Variants in BRD4 observed in about 807,000 individuals in gnomAD.
The protein encoded by BRD4 is bromodomain containing 4.
A neutral mutation model predicts 142.1 loss-of-function variants in BRD4; 16 were observed. The ratio of observed to expected loss-of-function variants is 0.11; its 90% CI spans 0.08 to 0.17. The LOEUF (loss-of-function observed/expected upper bound fraction) is 0.17, where lower values mean the gene tolerates loss of function less well. Among genes scored for constraint, BRD4 ranks in the 10% least tolerant of loss-of-function variants. BRD4 has a pLI of 1.00. For synonymous variants in BRD4, 833 were observed against 707.5 expected, an observed-to-expected ratio of 1.18 and a Z score of -2.82; for missense variants, 1,424 against 1,810.9, an observed-to-expected ratio of 0.79 and a Z score of 3.88.
At chr19:15,248,899 A>G in intron 11 of BRD4, 1 of 345,008 alleles carries the variant, frequency 2.9e-6, no homozygotes, top group Non-Finnish European at 5.4e-6. Flanking sequence ...GGACAAAGAG[A>G]GAAAACATAC....
Position 15,265,607 on chromosome 19 carries a change from G to T in BRD4, c.596C>A (p.Thr199Lys). The T allele has an allele frequency of 6.2e-7, 1 of 1,614,174 alleles. No individual in the cohort carries two copies. The highest frequency in any genetic ancestry group is 8.5e-7 in the Non-Finnish European group (1 of 1,180,030). Residue 199 changes from threonine to lysine, a missense_variant, in exon 5 of 20, where the codon ACA becomes AAA. By Grantham distance (78) the Thr-to-Lys change is moderately conservative. Around this residue, in one of 16 missense-constraint regions of BRD4, gnomAD observed 140 missense variants for 131.7 expected, o/e 1.06. Transcript: ENST00000679869. ...AKPGVSTVPN[T>K]TQASTPPQTQ... ...CTGCGGAGGAGTCGATGCTTGAGTT[G>T]TGTTTGGTACCGTGGAAACGCCAGG...
intron 7 of BRD4, among the ~76,000 whole-genome samples, chr19:15,260,219 T>TA (rs774599244): frequency 2.0e-5 from 3 of 152,196 alleles, no homozygotes; most frequent in Admixed American, 6.5e-5. Context: ...CCCGAGAATT[T>TA]AGAGGCTCAG....
chr19:15,286,513 T>A (rs1439764939), intron 1 of BRD4, among the ~76,000 whole-genome samples: 2 of 152,142 alleles, frequency 1.3e-5, no homozygotes, highest in Admixed American at 6.5e-5. Flanking sequence ...ATTTTAAAAT[T>A]TCTAGGAGCC....
intron 1 of BRD4, among the ~76,000 whole-genome samples, chr19:15,285,213 G>T (rs763241613): frequency 9.9e-5 from 15 of 152,182 alleles, no homozygotes; most frequent in Admixed American, 7.2e-4. Context: ...CACTTAACTG[G>T]TAAGGAATTT....
chr19:15,331,801 T>G (rs2270130), intron 1 of BRD4: 117,029 of 149,258 alleles, frequency 0.78, 46,619 homozygotes, highest in African/African-American at 0.94. Context: ...CCGGGACAGC[T>G]GCGCTCGCGG....
rs1318039413 is a variant in BRD4, at chr19:15,235,953, A to T, written c.*2424T>A. The T allele has an allele frequency of 6.6e-6, 1 of 152,222 alleles. No individual in the cohort carries two copies. The highest frequency in any genetic ancestry group is 1.5e-5 in the Non-Finnish European group (1 of 68,046). 9.4% of individuals were successfully genotyped at this position (152,222 alleles called of 1,614,324 possible). A position where few individuals can be genotyped will look rare whatever the true frequency, so the allele number is the denominator to read the frequency against. On this transcript the variant is annotated 3_prime_UTR_variant, in exon 20 of 20. Coordinates refer to ENST00000679869, the MANE Select transcript of BRD4 (RefSeq NM_001379291.1). ...GTGTCTGAACAAAACAAGGAACAAAAATGAGTGGGTGGGATGAGATGGAAG... is the reference window on the plus strand; with the variant it reads ...GTGTCTGAACAAAACAAGGAACAAATATGAGTGGGTGGGATGAGATGGAAG...
chr19:15,306,575 T>C (rs2047915960), intron 1 of BRD4, among the ~76,000 whole-genome samples: 1 of 152,172 alleles, frequency 6.6e-6, no homozygotes, highest in Admixed American at 6.5e-5. Context: ...CCTGGCCATT[T>C]TTAGCTTCTG....
At position 15,238,342 on chromosome 19, in the gene BRD4, C is replaced by T. The variant is rs928279685; in HGVS notation, c.*35G>A. 3.7e-6 allele frequency: 6 copies of T among 1,613,064 alleles called. No homozygotes were observed. In the African/African-American group the frequency reaches 8.0e-5, roughly 22 times the overall value. On this transcript the variant is annotated 3_prime_UTR_variant, in exon 20 of 20. Coordinates refer to ENST00000679869, the MANE Select transcript of BRD4 (RefSeq NM_001379291.1). The surrounding 1 kb of genome is among the most constrained non-coding windows in gnomAD (Gnocchi z 7.2). ...AACACTATGGAAAGTCAATGTTTTG[C>T]CAGAAAATCAAAGTCAGAAGCCACC...
At chr19:15,256,037 C>A (rs1240593583) in intron 9 of BRD4, 27 bp downstream of exon 9, 2 of 1,609,076 alleles carry the variant, frequency 1.2e-6, no homozygotes, top group Admixed American at 1.7e-5. Context: ...AGGGTCCCCA[C>A]CCAGGACAAA....
At chr19:15,295,249 G>A (rs2047813994) in intron 1 of BRD4, among the ~76,000 whole-genome samples, 1 of 152,182 alleles carries the variant, frequency 6.6e-6, no homozygotes, top group Non-Finnish European at 1.5e-5. Context: ...CAAGAGCCCA[G>A]GGACTAGAGA....
intron 1 of BRD4, among the ~76,000 whole-genome samples, chr19:15,306,376 C>T (rs1190256555): frequency 6.6e-6 from 1 of 152,184 alleles, no homozygotes; most frequent in Non-Finnish European, 1.5e-5. Flanking sequence ...TCAAGCAATC[C>T]TCCCATCTCA....
In BRD4 at chr19:15,235,932, C is replaced by T. The variant is rs1052067224; in HGVS notation, c.*2445G>A. 6.6e-6 allele frequency: 1 copy of T among 152,212 alleles called. No individual in the cohort carries two copies. Among genetic ancestry groups the T allele is most frequent in the African/African-American group, 2.4e-5 (1 of 41,448 alleles). 9.4% of individuals were successfully genotyped at this position (152,212 alleles called of 1,614,324 possible). A position where few individuals can be genotyped will look rare whatever the true frequency, so the allele number is the denominator to read the frequency against. ...AGTTGGACCCAGGCTGGGGAAGTGT[C>T]TGAACAAAACAAGGAACAAAAATGA... On this transcript the variant is annotated 3_prime_UTR_variant, in exon 20 of 20. Transcript: ENST00000679869.
chr19:15,240,530 C>T (rs1244483943), intron 14 of BRD4, among the ~76,000 whole-genome samples: 3 of 152,226 alleles, frequency 2.0e-5, no homozygotes, highest in Admixed American at 2.0e-4. Context: ...CCCCACAGTC[C>T]TATTCCCCAC....
chr19:15,297,838 A>AT (rs1161528625), intron 1 of BRD4, among the ~76,000 whole-genome samples: 1 of 152,184 alleles, frequency 6.6e-6, no homozygotes, highest in African/African-American at 2.4e-5. Context: ...ATGGCAGCAT[A>AT]TAAGGACCAT....
At chr19:15,292,048 T>C (rs2047785971) in intron 1 of BRD4, among the ~76,000 whole-genome samples, 1 of 152,182 alleles carries the variant, frequency 6.6e-6, no homozygotes, top group African/African-American at 2.4e-5. Flanking sequence ...AATGATTCCC[T>C]AAATAAACTG....
intron 1 of BRD4, among the ~76,000 whole-genome samples, chr19:15,302,362 G>A (rs984606819): frequency 6.6e-6 from 1 of 152,130 alleles, no homozygotes; most frequent in Non-Finnish European, 1.5e-5. Flanking sequence ...GAGCTTCCAT[G>A]CTAACCTGGG....
At chr19:15,263,310 T>G in intron 7 of BRD4, 110 bp downstream of exon 7, 12 of 1,349,684 alleles carry the variant, frequency 8.9e-6, no homozygotes, top group Non-Finnish European at 1.2e-5. Flanking sequence ...CATGGCATTA[T>G]CCCAAGGAAA....
intron 14 of BRD4, among the ~76,000 whole-genome samples, chr19:15,242,576 A>T (rs1267620622): frequency 6.6e-6 from 1 of 151,336 alleles, no homozygotes; most frequent in African/African-American, 2.4e-5. Flanking sequence ...GCATATCCTG[A>T]CCCCCTGAGG....
At chr19:15,285,556 C>T (rs749704243) in intron 1 of BRD4, among the ~76,000 whole-genome samples, 1 of 150,108 alleles carries the variant, frequency 6.7e-6, no homozygotes, top group East Asian at 1.9e-4. Context: ...CAGAGTGAGA[C>T]CCCATCTCAA....
Sources: allele counts gnomAD v4.1 joint callset (sites outside exome capture counted in the v4.1 genomes callset), GRCh38; gene constraint gnomAD v4.1.1; regional missense constraint gnomAD v4.1.1; non-coding constraint Gnocchi (gnomAD v3.1); transcripts MANE v1.5; gene names NCBI Gene and HGNC (gene_info 2026-07-23, HGNC 2026-07-21).